The following ZNF860 variants were observed in gnomAD, a reference collection of about 807,000 sequenced individuals.
ZNF860 encodes zinc finger protein 860.
For synonymous variants in ZNF860, 206 were observed against 248.9 expected, an observed-to-expected ratio of 0.83 and a Z score of 1.62; for missense variants, 641 against 759.2, an observed-to-expected ratio of 0.84 and a Z score of 1.83.
chr3:32,000,745 T>C, the ZNF860 span, among the ~76,000 whole-genome samples: 1 of 152,170 alleles, frequency 6.6e-6, no homozygotes, highest in Non-Finnish European at 1.5e-5. Flanking sequence ...TGAGAGGGAA[T>C]AGAAAAATAT....
the ZNF860 span, among the ~76,000 whole-genome samples, chr3:32,005,769 A>G: frequency 2.0e-5 from 3 of 151,632 alleles, no homozygotes; most frequent in Admixed American, 2.0e-4. Flanking sequence ...TTGTATTTTT[A>G]GTAGAGATGG....
At position 31,989,651 on chromosome 3, in the gene ZNF860, C is replaced by A; in HGVS notation, c.572C>A (p.Thr191Lys). The A allele has an allele frequency of 6.2e-7, 1 of 1,614,110 alleles. No homozygotes were observed. The highest frequency in any genetic ancestry group is 8.5e-7 in the Non-Finnish European group (1 of 1,180,014). The change falls in exon 2 of 2, where the codon ACG (threonine) becomes AAG (lysine). Residue 191 changes from threonine (T) to lysine (K), a missense_variant. Thr to Lys is a moderately conservative substitution (Grantham distance 78). Transcript: ENST00000360311. ...ATCAACGATGCTTCCTCAGTTCTAA[C>A]GTCCCAAAGAATTTCTTCTAGGCCC... ...KSINDASSVLTSQRISSRPKI... is the reference protein window; with the variant it reads ...KSINDASSVLKSQRISSRPKI...
intron 1 of ZNF860, among the ~76,000 whole-genome samples, chr3:31,987,928 G>T (rs1177442560): frequency 1.3e-5 from 2 of 152,198 alleles, no homozygotes; most frequent in African/African-American, 4.8e-5. Context: ...ATGAACTTGG[G>T]TTAGGAAAAT....
chr3:31,988,832 A>C lies in ZNF860; in HGVS notation c.-248A>C. The C allele has an allele frequency of 1.8e-6, 1 of 547,298 alleles. No individual in the cohort carries two copies. The highest frequency in any genetic ancestry group is 3.0e-5 in the East Asian group (1 of 33,114). 33.9% of individuals were successfully genotyped at this position (547,298 alleles called of 1,614,324 possible). The stretch of plus-strand genomic sequence containing the variant: ...CCTTGGAAGTAGGTTGTCACCAGTC[A>C]AGCCTTGAGATGACTGCAGCCATGA... On this transcript the variant is annotated 5_prime_UTR_variant, in exon 2 of 2. Coordinates refer to ENST00000360311, the MANE Select transcript of ZNF860 (RefSeq NM_001137674.3).
intron 1 of ZNF860, among the ~76,000 whole-genome samples, chr3:31,987,703 G>A (rs912609986): frequency 6.6e-5 from 10 of 152,202 alleles, no homozygotes; most frequent in African/African-American, 9.7e-5. Flanking sequence ...AGAGGAAGCC[G>A]GAAGGACCTC....
At chr3:31,987,816 A>G (rs1698957250) in intron 1 of ZNF860, among the ~76,000 whole-genome samples, 1 of 152,234 alleles carries the variant, frequency 6.6e-6, no homozygotes, top group African/African-American at 2.4e-5. Flanking sequence ...AAAGACCTAT[A>G]CTTCACACTT....
chr3:32,005,044 G>A, the ZNF860 span, among the ~76,000 whole-genome samples: 9 of 152,040 alleles, frequency 5.9e-5, no homozygotes, highest in Non-Finnish European at 7.4e-5. Flanking sequence ...TTAATCTGCC[G>A]CTTCTTTCAC....
chr3:31,992,176 G>T (rs1476288633), downstream of ZNF860, among the ~76,000 whole-genome samples: 1 of 151,630 alleles, frequency 6.6e-6, no homozygotes, highest in African/African-American at 2.4e-5. Context: ...ATGTCAGTGT[G>T]GTGTAGGCAA....
the ZNF860 span, among the ~76,000 whole-genome samples, chr3:32,003,750 T>C: frequency 6.6e-6 from 1 of 152,142 alleles, no homozygotes; most frequent in Non-Finnish European, 1.5e-5. Context: ...TGCAGGGCAC[T>C]GCAGTGTGTG....
In ZNF860 at chr3:31,990,147, CCT is replaced by C. The variant is rs1699004568; in HGVS notation, c.1070_1071del (p.Leu357HisfsTer5). Reference sequence around the variant, plus strand: ...AAAAGGCTTTCAGGCGTGATTCACACCTCACACAACACACTAGAATTCACACT... The same window carrying C: ...AAAAGGCTTTCAGGCGTGATTCACACCACACAACACACTAGAATTCACACT... Reference protein sequence around the residue: ...CEKAFRRDSHLTQHTRIHTGE... With the variant: ...CEKAFRRDSHXTQHTRIHTGE... On this transcript the variant is annotated frameshift_variant, in exon 2 of 2. Transcript: ENST00000360311. LOFTEE classifies it low-confidence loss of function (END_TRUNC). 2 of 1,611,616 alleles carry C rather than the reference CCT, an allele frequency of 1.2e-6. No homozygotes were observed. The highest frequency in any genetic ancestry group is 1.7e-6 in the Non-Finnish European group (2 of 1,178,572).
chr3:31,997,305 G>A, the ZNF860 span, among the ~76,000 whole-genome samples: 25 of 149,696 alleles, frequency 1.7e-4, no homozygotes, highest in African/African-American at 4.2e-4. Flanking sequence ...TCACTCTGTC[G>A]CCAGGCTGGA....
At chr3:31,985,703 C>G (rs560111537) in intron 1 of ZNF860, among the ~76,000 whole-genome samples, 78 of 152,206 alleles carry the variant, frequency 5.1e-4, no homozygotes, top group Non-Finnish European at 9.3e-4. Context: ...AGATCACTCT[C>G]TGATATCAAC....
downstream of ZNF860, among the ~76,000 whole-genome samples, chr3:31,995,102 C>A (rs948281938): frequency 2.6e-5 from 4 of 152,132 alleles, no homozygotes; most frequent in Admixed American, 2.6e-4. Flanking sequence ...GGGGCAAGGA[C>A]AAAATCAGAA....
chr3:31,985,738 T>C (rs925983960), intron 1 of ZNF860, among the ~76,000 whole-genome samples: 8 of 152,224 alleles, frequency 5.3e-5, no homozygotes, highest in Non-Finnish European at 7.3e-5. Flanking sequence ...GTTAGAAACA[T>C]GTGGTCTGAT....
At chr3:31,998,779 G>C in the ZNF860 span, among the ~76,000 whole-genome samples, 4 of 152,108 alleles carry the variant, frequency 2.6e-5, no homozygotes, top group Non-Finnish European at 4.4e-5. Context: ...ACGTCTATTG[G>C]TTTTTCTGTC....
At chr3:31,994,836 A>T (rs958967165), downstream of ZNF860, among the ~76,000 whole-genome samples, 4 of 152,166 alleles carry the variant, frequency 2.6e-5, no homozygotes, top group Admixed American at 6.5e-5. Flanking sequence ...CAATATTTCA[A>T]CGTAGGTTCT....
At chr3:32,004,446 G>A in the ZNF860 span, among the ~76,000 whole-genome samples, 2 of 152,196 alleles carry the variant, frequency 1.3e-5, no homozygotes, top group African/African-American at 4.8e-5. Flanking sequence ...GAAGACAACT[G>A]TTAAGCACTA....
downstream of ZNF860, among the ~76,000 whole-genome samples, chr3:31,996,442 A>C (rs1028555754): frequency 1.3e-5 from 2 of 152,150 alleles, no homozygotes; most frequent in African/African-American, 2.4e-5. Context: ...CATTCTCTGC[A>C]TCTAAATATG....
At chr3:31,987,135 T>C (rs1384309859) in intron 1 of ZNF860, among the ~76,000 whole-genome samples, 1 of 152,094 alleles carries the variant, frequency 6.6e-6, no homozygotes, top group African/African-American at 2.4e-5. Flanking sequence ...CACACACACA[T>C]ATATATACAT....
Sources: allele counts gnomAD v4.1 joint callset (sites outside exome capture counted in the v4.1 genomes callset), GRCh38; gene constraint gnomAD v4.1.1; transcripts MANE v1.5; gene names NCBI Gene and HGNC (gene_info 2026-07-23, HGNC 2026-07-21).